ITFG1: variants seen among roughly 807,000 people sequenced by gnomAD.
ITFG1 encodes T-cell immunomodulatory protein.
A neutral mutation model predicts 81.8 loss-of-function variants in ITFG1; 34 were observed. The ratio of observed to expected loss-of-function variants is 0.42; its 90% confidence interval spans 0.32 to 0.55. The LOEUF (loss-of-function observed/expected upper bound fraction) is 0.55, where lower values mean the gene tolerates loss of function less well. ITFG1 is among the 20% of genes least tolerant of loss of function. ITFG1 has a pLI of 0.17. For missense variants in ITFG1, 672 were observed against 755.4 expected, an observed-to-expected ratio of 0.89 and a Z score of 1.29; for synonymous variants, 285 against 270.6, an observed-to-expected ratio of 1.05 and a Z score of -0.52.
intron 6 of ITFG1, among the ~76,000 whole-genome samples, chr16:47,419,446 C>CT (rs1270923637): frequency 1.3e-5 from 2 of 151,778 alleles, no homozygotes; most frequent in African/African-American, 4.8e-5. Context: ...TTTTTTAGTA[C>CT]TTTTTTGTAA....
intron 5 of ITFG1, among the ~76,000 whole-genome samples, chr16:47,442,566 G>A (rs953026914): frequency 6.6e-6 from 1 of 152,128 alleles, no homozygotes; most frequent in Non-Finnish European, 1.5e-5. Flanking sequence ...TAGACCAATG[G>A]AACAGAACAG....
At chr16:47,266,378 C>A (rs1176957097) in intron 10 of ITFG1, among the ~76,000 whole-genome samples, 1 of 152,034 alleles carries the variant, frequency 6.6e-6, no homozygotes, top group Non-Finnish European at 1.5e-5. Context: ...CAATCATGCC[C>A]GGCTAATTTT....
intron 6 of ITFG1, among the ~76,000 whole-genome samples, chr16:47,394,408 C>A (rs994100743): frequency 6.6e-6 from 1 of 152,164 alleles, no homozygotes; most frequent in South Asian, 2.1e-4. Context: ...GTTTGAGAAT[C>A]GCTCATGACT....
rs557897232 is a variant in ITFG1 at position 47,260,692 on chromosome 16, G to A, written c.1074C>T (p.Asn358=). The stretch of plus-strand genomic sequence containing the variant: ...CGTTCTCCAGTAAAAAGGCCTGCTG[G>A]TTGCTGTGCGCCAAAGGAAAGGCAT... The part of the protein sequence containing the change: ...LVILKNTSGS[N]QQAFLLENVP... The change falls in exon 11 of 18, where the codon AAC becomes AAT. Residue 358 remains asparagine (N), a synonymous_variant. Coordinates refer to ENST00000320640, the MANE Select transcript of ITFG1 (RefSeq NM_030790.5). The A allele has an allele frequency of 1.9e-6, 3 of 1,614,128 alleles. No individual in the cohort carries two copies. The highest frequency in any genetic ancestry group is 2.2e-5 in the South Asian group (2 of 91,072).
chr16:47,303,945 G>A (rs371036930), intron 10 of ITFG1, among the ~76,000 whole-genome samples: 2 of 151,910 alleles, frequency 1.3e-5, no homozygotes, highest in Non-Finnish European at 2.9e-5. Flanking sequence ...ATAATTTTCC[G>A]TTGCAAGTTT....
chr16:47,244,589 TTTTGTGTGTG>T (rs1235547986), intron 12 of ITFG1, among the ~76,000 whole-genome samples: 3 of 140,788 alleles, frequency 2.1e-5, no homozygotes, highest in East Asian at 4.4e-4. Flanking sequence ...GTATTCCATC[TTTTGTGTGTG>T]TGTGTGTGTG....
chr16:47,313,732 C>T lies in ITFG1; in HGVS notation c.894G>A (p.Lys298=), dbSNP rs1213946151. 1.9e-6 allele frequency: 3 copies of T among 1,547,480 alleles called. No homozygotes were observed. The highest frequency in any genetic ancestry group is 1.8e-6 in the Non-Finnish European group (2 of 1,132,358). The change falls in exon 9 of 18, where the codon AAG becomes AAA. Residue 298 remains lysine, a synonymous_variant. Transcript: ENST00000320640. The part of the protein sequence containing the change: ...STIYLVRSGM[K]QWVPVLQDFS... ...CATTAAAAACAACTTGATATACCTG[C>T]TTCATCCCAGATCTCACTAAGTAGA...
intron 14 of ITFG1, among the ~76,000 whole-genome samples, chr16:47,212,310 C>A (rs986244255): frequency 1.3e-5 from 2 of 152,152 alleles, no homozygotes; most frequent in Admixed American, 1.3e-4. Flanking sequence ...ACCTCCAGGG[C>A]TCAAGTGATC....
intron 8 of ITFG1, among the ~76,000 whole-genome samples, chr16:47,319,357 G>A (rs1967413516): frequency 6.6e-6 from 1 of 152,160 alleles, no homozygotes. Flanking sequence ...GATGTGACAA[G>A]CTCACTTCGT....
At chr16:47,163,985 A>G (rs1343415420) in intron 14 of ITFG1, among the ~76,000 whole-genome samples, 1 of 151,700 alleles carries the variant, frequency 6.6e-6, no homozygotes, top group East Asian at 1.9e-4. Flanking sequence ...TAAGTAAAGC[A>G]TCTGGCCCTG....
intron 14 of ITFG1, among the ~76,000 whole-genome samples, chr16:47,206,852 A>C (rs1468105244): frequency 6.6e-6 from 1 of 152,062 alleles, no homozygotes; most frequent in Non-Finnish European, 1.5e-5. Context: ...CCTATACTTC[A>C]CCTGACTGAC....
In ITFG1 at chr16:47,369,405, T is replaced by C. The variant is rs539266700; in HGVS notation, c.721-3536A>G. On this transcript the variant is annotated intron_variant, in intron 7 of 17. Transcript: ENST00000320640. ...AGAAGGGATTAAACATACTGTCTAC[T>C]TGCAGGGTTCTGGAGAGGTCAAATG... 6.6e-5 allele frequency among the ~76,000 whole-genome samples: 10 copies of C among 152,324 alleles called. No homozygotes were observed. In the East Asian group the frequency reaches 1.9e-3, roughly 29 times the overall value.
Position 47,267,650 on chromosome 16 carries a change from T to C in ITFG1, c.1071-6955A>G, listed in dbSNP as rs1383888085. On this transcript the variant is annotated intron_variant, in intron 10 of 17. Transcript: ENST00000320640. ...GAAATATTTATCAAGATAGAGCATA[T>C]TCTGGATTCTGAAACAAGTCTCAAT... 3.3e-5 allele frequency among the ~76,000 whole-genome samples: 5 copies of C among 152,252 alleles called. No individual in the cohort carries two copies. In the East Asian group the frequency reaches 9.6e-4, roughly 29 times the overall value.
intron 5 of ITFG1, among the ~76,000 whole-genome samples, chr16:47,438,605 C>A (rs1173997787): frequency 6.6e-6 from 1 of 152,220 alleles, no homozygotes; most frequent in Non-Finnish European, 1.5e-5. Context: ...TAAATTCCAA[C>A]AGACCTGCAG....
chr16:47,333,794 C>T (rs1347898850), intron 8 of ITFG1, among the ~76,000 whole-genome samples: 3 of 152,276 alleles, frequency 2.0e-5, no homozygotes, highest in South Asian at 4.2e-4. Flanking sequence ...CTCTTTTTAC[C>T]TTGCTCTTCA....
At chr16:47,456,546 G>A (rs1360408000) in intron 2 of ITFG1, among the ~76,000 whole-genome samples, 3 of 152,010 alleles carry the variant, frequency 2.0e-5, no homozygotes, top group Non-Finnish European at 2.9e-5. Context: ...TACAAAATTC[G>A]CTGGGCGTGG....
chr16:47,252,631 T>C lies in ITFG1; in HGVS notation c.1330+6001A>G, dbSNP rs188856725. ...GTAATACGCAAGGTCCCCGTCTTCA[T>C]GTAAGTGCTGTGGATCTGCTGTGCT... On this transcript the variant is annotated intron_variant, in intron 12 of 17. Coordinates refer to ENST00000320640, the MANE Select transcript of ITFG1 (RefSeq NM_030790.5). 9.2e-5 allele frequency among the ~76,000 whole-genome samples: 14 copies of C among 152,322 alleles called. No homozygotes were observed. In the East Asian group the frequency reaches 2.7e-3, roughly 29 times the overall value.
At chr16:47,351,743 C>G (rs1392050800) in intron 8 of ITFG1, among the ~76,000 whole-genome samples, 1 of 151,928 alleles carries the variant, frequency 6.6e-6, no homozygotes, top group Non-Finnish European at 1.5e-5. Flanking sequence ...AAAAAGAGCC[C>G]GCATTGCCAA....
At chr16:47,310,132 A>T (rs956259113) in intron 10 of ITFG1, among the ~76,000 whole-genome samples, 3 of 152,226 alleles carry the variant, frequency 2.0e-5, no homozygotes, top group African/African-American at 7.2e-5. Context: ...ATGCAGAGAC[A>T]TTATAATTTC....
Sources: gnomAD v4.1 joint callset for allele counts (sites outside exome capture counted in the v4.1 genomes callset) on GRCh38, gnomAD v4.1.1 for gene constraint, MANE v1.5 for transcripts, NCBI Gene and HGNC (gene_info 2026-07-23, HGNC 2026-07-21) for gene names.